The following DLG3 variants were observed in gnomAD, a reference collection of about 807,000 sequenced individuals.
DLG3 encodes the protein disks large homolog 3.
Under a neutral mutation model 64.1 loss-of-function variants are expected in DLG3, and 1 was observed. The ratio of observed to expected loss-of-function variants is 0.02; its 90% CI spans 0.01 to 0.07. The LOEUF is 0.07. DLG3 is among the 10% of genes least tolerant of loss of function. The probability of loss-of-function intolerance (pLI) is 1.00; values close to 1 mark genes in which losing one functional copy is unlikely to be tolerated. For synonymous variants in DLG3, 245 were observed against 259.8 expected (o/e 0.94, Z 0.55); for missense variants, 429 against 669.5 (o/e 0.64, Z 3.96).
intron 7 of DLG3, chrX:70,452,410 GCTGGCGGGACT>G (rs1165555605): frequency 1.1e-6 from 1 of 949,129 alleles, no homozygotes; most frequent in Non-Finnish European, 1.3e-6. Flanking sequence ...AGCCGGTGGG[GCTGGCGGGACT>G]CTGACCGGCC....
At chrX:70,498,637 G>A in intron 14 of DLG3, 67 bp downstream of exon 14, 1 of 1,038,388 alleles carries the variant, frequency 9.6e-7, no homozygotes, top group Non-Finnish European at 1.3e-6. Context: ...TACAGTGGGT[G>A]GCTGTGGCAG....
chrX:70,453,387 T>G, intron 7 of DLG3: 1 of 364,578 alleles, frequency 2.7e-6, no homozygotes, highest in East Asian at 4.9e-5. Flanking sequence ...CCCGAGAGAG[T>G]AGGGGACTGT....
intron 10 of DLG3, among the ~76,000 whole-genome samples, chrX:70,482,693 TCTCG>T (rs1451386987): frequency 3.0e-4 from 23 of 77,701 alleles, no homozygotes; most frequent in African/African-American, 1.3e-3. Flanking sequence ...TTTGACGGAG[TCTCG>T]CTCTGTCGCC....
intron 10 of DLG3, among the ~76,000 whole-genome samples, chrX:70,487,754 C>T (rs1384467826): frequency 9.0e-6 from 1 of 111,605 alleles, no homozygotes; most frequent in Admixed American, 9.5e-5. Flanking sequence ...TGGGTTCAAG[C>T]GATTCTCCTG....
chrX:70,462,353 G>A (rs888291549), intron 9 of DLG3, among the ~76,000 whole-genome samples: 1 of 99,652 alleles, frequency 1.0e-5, no homozygotes, highest in Non-Finnish European at 2.0e-5. Context: ...AGGTTCAAGC[G>A]ATTCTCCTGC....
intron 10 of DLG3, among the ~76,000 whole-genome samples, chrX:70,485,712 G>A (rs1250155990): frequency 8.9e-6 from 1 of 111,931 alleles, no homozygotes; most frequent in African/African-American, 3.2e-5. Context: ...GCTGTGCCAA[G>A]TGCTTATAAT....
At chrX:70,468,556 A>G (rs941526922) in intron 9 of DLG3, among the ~76,000 whole-genome samples, 4 of 111,522 alleles carry the variant, frequency 3.6e-5, no homozygotes, top group Non-Finnish European at 7.5e-5. Flanking sequence ...ATGTGTGTGT[A>G]TGGCCGAGGA....
chrX:70,461,721 C>T (rs936463160), intron 9 of DLG3, among the ~76,000 whole-genome samples: 1 of 110,393 alleles, frequency 9.1e-6, no homozygotes, highest in Non-Finnish European at 1.9e-5. Context: ...CCATCATGCC[C>T]GGCTAATTTT....
chrX:70,457,650 C>T (rs1165829360), intron 9 of DLG3, among the ~76,000 whole-genome samples: 2 of 107,523 alleles, frequency 1.9e-5, no homozygotes, highest in Non-Finnish European at 3.8e-5. Context: ...CGGCTCACTG[C>T]AAGCTCTGCC....
chrX:70,475,155 C>T (rs939606531), intron 9 of DLG3, among the ~76,000 whole-genome samples: 1 of 109,154 alleles, frequency 9.2e-6, no homozygotes, highest in Non-Finnish European at 1.9e-5. Context: ...CATAGTGAGA[C>T]CCCCATCTCT....
intron 9 of DLG3, among the ~76,000 whole-genome samples, chrX:70,467,167 C>G (rs2086900008): frequency 8.9e-6 from 1 of 112,077 alleles, no homozygotes; most frequent in Non-Finnish European, 1.9e-5. Flanking sequence ...ATTTTCCTGC[C>G]TTGGCATCTC....
At chrX:70,493,019 A>G (rs748139163) in intron 12 of DLG3, among the ~76,000 whole-genome samples, 3 of 111,765 alleles carry the variant, frequency 2.7e-5, no homozygotes, top group Non-Finnish European at 5.6e-5. Flanking sequence ...TCACAGGCCA[A>G]AGAACTTCTG....
In DLG3 at chrX:70,502,882, T is replaced by A. The variant is rs1302510310; in HGVS notation, c.*613T>A. 1.8e-5 allele frequency: 2 copies of A among 110,234 alleles called. No individual in the cohort carries two copies. The highest frequency in any genetic ancestry group is 6.6e-5 in the African/African-American group (2 of 30,255). The allele number at this position is 110,234 out of a possible 1,213,427, so 9.1% of individuals were successfully genotyped here. On this transcript the variant is annotated 3_prime_UTR_variant, in exon 19 of 19. Transcript: ENST00000374360. ...TTGGGTTAGAAAATCTATGGAGACT[T>A]CATCAATGGTACTATGTTATTAGAG... is the stretch of plus-strand genomic sequence containing the variant.
intron 14 of DLG3, among the ~76,000 whole-genome samples, chrX:70,498,849 T>C (rs750665225): frequency 8.9e-6 from 1 of 112,349 alleles, no homozygotes; most frequent in African/African-American, 3.2e-5. Context: ...TCAGTAGATG[T>C]AGCCACTGCT....
At chrX:70,450,409 G>A in intron 5 of DLG3, 104 bp downstream of exon 5, 3 of 1,029,414 alleles carry the variant, frequency 2.9e-6, no homozygotes, top group Non-Finnish European at 3.9e-6. Context: ...GCATCATGGG[G>A]GAATTTCAAG....
At position 70,504,087 on chromosome X, in the gene DLG3, C is replaced by A. The variant is rs1424172778; in HGVS notation, c.*1818C>A. On this transcript the variant is annotated 3_prime_UTR_variant, in exon 19 of 19. Coordinates refer to ENST00000374360, the MANE Select transcript of DLG3 (RefSeq NM_021120.4). ...AGGCTAACTGTATAAAGCATGGGAC[C>A]CAGGATGAGGATAAGGAAAGGACAG... The A allele has an allele frequency of 9.0e-6, 1 of 111,615 alleles. No homozygotes were observed. Among genetic ancestry groups the A allele is most frequent in the African/African-American group, 3.3e-5 (1 of 30,567 alleles). 9.2% of individuals were successfully genotyped at this position (111,615 alleles called of 1,213,427 possible).
intron 4 of DLG3, 58 bp from the exon 5 acceptor site, chrX:70,450,111 G>A (rs965594154): frequency 7.5e-6 from 9 of 1,195,709 alleles, no homozygotes; most frequent in African/African-American, 1.8e-5. Context: ...ATTTGGGATC[G>A]ACAACACTTT....
chrX:70,449,699 C>T lies in DLG3; in HGVS notation c.543C>T (p.Asp181=). Residue 181 remains aspartate, a synonymous_variant, in exon 4 of 19, where the codon GAC becomes GAT. Transcript: ENST00000374360. ...AAMDGRLGVN[D]CVLRVNEVDV... ...CGGGCTTCCCCCACAGGGTGAATGA[C>T]TGTGTGCTGCGGGTGAATGAGGTGG... 8.3e-7 allele frequency: 1 copy of T among 1,210,759 alleles called. No homozygotes were observed. The highest frequency in any genetic ancestry group is 1.1e-6 in the Non-Finnish European group (1 of 895,346).
chrX:70,495,327 C>T, intron 12 of DLG3, 81 bp from the exon 13 acceptor site: 2 of 950,624 alleles, frequency 2.1e-6, no homozygotes, highest in Non-Finnish European at 3.0e-6. Context: ...CTCTCCCTCT[C>T]TTCCATTCCC....
Sources: allele counts gnomAD v4.1 joint callset (sites outside exome capture counted in the v4.1 genomes callset), GRCh38; gene constraint gnomAD v4.1.1; transcripts MANE v1.5; gene names NCBI Gene and HGNC (gene_info 2026-07-23, HGNC 2026-07-21).